The following GLIS3 variants were observed in gnomAD, a reference collection of about 807,000 sequenced individuals.
GLIS3 encodes the protein GLIS family zinc finger 3, also known as zinc finger protein GLIS3.
In GLIS3, 53 loss-of-function variants were observed where a neutral mutation model predicts 78.6. The ratio of observed to expected loss-of-function variants is 0.67; its 90% CI spans 0.54 to 0.85. GLIS3 has a LOEUF of 0.85. Among genes scored for constraint, GLIS3 ranks in the 40% least tolerant of loss-of-function variants. The probability of loss-of-function intolerance (pLI) is 0.00; values close to 1 mark genes in which losing one functional copy is unlikely to be tolerated. For missense variants in GLIS3, 1,703 were observed against 1,231.1 expected (o/e 1.38, Z -5.74); for synonymous variants, 684 against 509.9 (o/e 1.34, Z -4.60).
the GLIS3 span, among the ~76,000 whole-genome samples, chr9:4,396,993 T>C: frequency 6.6e-6 from 1 of 151,790 alleles, no homozygotes; most frequent in African/African-American, 2.4e-5. Context: ...TGTCTTGCCC[T>C]GTGGTTTTGT....
At chr9:4,358,267 A>G in the GLIS3 span, among the ~76,000 whole-genome samples, 4 of 152,106 alleles carry the variant, frequency 2.6e-5, no homozygotes, top group Admixed American at 2.6e-4. Flanking sequence ...TTTTTTTTGT[A>G]TACTCGTTTT....
At chr9:3,875,109 T>C (rs1214897498) in intron 8 of GLIS3, among the ~76,000 whole-genome samples, 5 of 152,248 alleles carry the variant, frequency 3.3e-5, no homozygotes, top group African/African-American at 1.2e-4. Flanking sequence ...AGACATACTA[T>C]GAAACTCATT....
intron 1 of GLIS3, among the ~76,000 whole-genome samples, chr9:4,296,902 GCAAAA>G (rs75906922): frequency 1.4e-3 from 40 of 29,206 alleles, no homozygotes; most frequent in African/African-American, 1.5e-3. Flanking sequence ...GTTCTCAATT[GCAAAA>G]AAAAAAAAAA....
chr9:4,133,889 T>C, intron 2 of GLIS3, among the ~76,000 whole-genome samples: 1 of 146,744 alleles, frequency 6.8e-6, no homozygotes, highest in Admixed American at 6.8e-5. Flanking sequence ...ACATCTGTCC[T>C]CGCCTGAACG....
chr9:4,229,648 T>G (rs1822084225), intron 2 of GLIS3, among the ~76,000 whole-genome samples: 1 of 152,242 alleles, frequency 6.6e-6, no homozygotes, highest in Non-Finnish European at 1.5e-5. Context: ...TAACATTTGC[T>G]TTTTAAAGAG....
the GLIS3 span, among the ~76,000 whole-genome samples, chr9:4,424,499 G>C: frequency 1.7e-4 from 26 of 152,278 alleles, no homozygotes; most frequent in South Asian, 4.8e-3. Flanking sequence ...TGGTCTCTTA[G>C]AGAATACTTG....
intron 2 of GLIS3, among the ~76,000 whole-genome samples, chr9:4,154,516 C>G (rs78518289): frequency 0.036 from 5,454 of 152,094 alleles, 312 homozygotes; most frequent in African/African-American, 0.12. Context: ...GCACCACAAA[C>G]AAAATGAAAA....
chr9:4,166,989 G>C (rs149586352), intron 2 of GLIS3, among the ~76,000 whole-genome samples: 6 of 152,360 alleles, frequency 3.9e-5, no homozygotes, highest in African/African-American at 1.4e-4. Context: ...AAATCTCTTT[G>C]AGTGTGAGGG....
intron 4 of GLIS3, among the ~76,000 whole-genome samples, chr9:3,948,633 A>G (rs937876899): frequency 1.1e-4 from 16 of 152,218 alleles, no homozygotes; most frequent in Non-Finnish European, 5.9e-5. Flanking sequence ...ATTCTGCCTA[A>G]AAGTATAAAG....
rs1423046661 is a variant in GLIS3, at chr9:4,056,221, GC to G, written c.1710+61546del. On this transcript the variant is annotated intron_variant, in intron 4 of 10. Coordinates refer to ENST00000381971, the MANE Select transcript of GLIS3 (RefSeq NM_001042413.2). ...TAGAATTTCTAATTTATCTCTAAAA[GC>G]CCTTCCAGCTCACAGAGCCTACATT... 7.2e-5 allele frequency among the ~76,000 whole-genome samples: 11 copies of G among 152,172 alleles called. No individual in the cohort carries two copies. In the South Asian group the frequency reaches 2.1e-3, roughly 29 times the overall value.
At chr9:4,298,444 T>A (rs958544325) in intron 1 of GLIS3, 3 of 451,512 alleles carry the variant, frequency 6.6e-6, no homozygotes, top group Admixed American at 4.8e-5. Flanking sequence ...GACACTTGAG[T>A]GACTTCCCGG....
chr9:4,007,796 G>C (rs1252594494), intron 4 of GLIS3, among the ~76,000 whole-genome samples: 1 of 148,978 alleles, frequency 6.7e-6, no homozygotes, highest in Non-Finnish European at 1.5e-5. Context: ...GTGCTCTCTT[G>C]CTTTGGAAGG....
chr9:4,017,537 A>G (rs138848509), intron 4 of GLIS3, among the ~76,000 whole-genome samples: 6 of 152,300 alleles, frequency 3.9e-5, no homozygotes, highest in Admixed American at 1.3e-4. Flanking sequence ...GAGAAGGGAG[A>G]CATCTCTCTT....
At chr9:4,334,660 C>T (rs141826079) in intron 2 of GLIS3, among the ~76,000 whole-genome samples, 13 of 152,302 alleles carry the variant, frequency 8.5e-5, no homozygotes, top group Non-Finnish European at 1.6e-4. Context: ...GCCACTGTCC[C>T]CATGCTGCTT....
chr9:4,213,178 TCTA>T (rs1820523183), intron 2 of GLIS3, among the ~76,000 whole-genome samples: 1 of 152,188 alleles, frequency 6.6e-6, no homozygotes, highest in South Asian at 2.1e-4. Flanking sequence ...TCTAGCCCTT[TCTA>T]CTCCAGCTGT....
At chr9:4,001,725 A>G (rs1175303789) in intron 4 of GLIS3, among the ~76,000 whole-genome samples, 1 of 152,222 alleles carries the variant, frequency 6.6e-6, no homozygotes, top group African/African-American at 2.4e-5. Context: ...ATGACATGCC[A>G]AGGAATACTT....
chr9:3,975,840 C>T (rs973867678), intron 4 of GLIS3, among the ~76,000 whole-genome samples: 2 of 151,988 alleles, frequency 1.3e-5, no homozygotes, highest in Non-Finnish European at 2.9e-5. Context: ...TTCCACAGCC[C>T]TCATTAAAAA....
chr9:4,001,068 T>C (rs1427076561), intron 4 of GLIS3, among the ~76,000 whole-genome samples: 1 of 152,246 alleles, frequency 6.6e-6, no homozygotes, highest in Admixed American at 6.5e-5. Context: ...TGTCATGCAC[T>C]GTGCCAGGCA....
chr9:4,222,457 C>G (rs1821412399), intron 2 of GLIS3, among the ~76,000 whole-genome samples: 1 of 152,156 alleles, frequency 6.6e-6, no homozygotes, highest in African/African-American at 2.4e-5. Flanking sequence ...CCTACCCTAT[C>G]CCCCTGTGTT....
Sources: gnomAD v4.1 joint callset for allele counts (sites outside exome capture counted in the v4.1 genomes callset) on GRCh38, gnomAD v4.1.1 for gene constraint, MANE v1.5 for transcripts, NCBI Gene and HGNC (gene_info 2026-07-23, HGNC 2026-07-21) for gene names.